DIAPH3: variants seen among roughly 807,000 people sequenced by gnomAD.
DIAPH3 encodes diaphanous related formin 3, also known as protein diaphanous homolog 3.
DIAPH3 carries 117 observed loss-of-function variants against 144.3 expected under a neutral mutation model. The ratio of observed to expected loss-of-function variants is 0.81; its 90% CI spans 0.70 to 0.95. The LOEUF (loss-of-function observed/expected upper bound fraction) is 0.95. DIAPH3 is among the 40% of genes least tolerant of loss of function. The pLI is 0.00. For missense variants in DIAPH3, 1,421 were observed against 1,412.7 expected (o/e 1.01, Z -0.09); for synonymous variants, 519 against 488.9 (o/e 1.06, Z -0.81).
At chr13:59,669,592 T>C (rs551412054) in intron 27 of DIAPH3, among the ~76,000 whole-genome samples, 1 of 152,290 alleles carries the variant, frequency 6.6e-6, no homozygotes. Context: ...TGCTTGGATG[T>C]GACTTTTGCT....
Position 59,811,011 on chromosome 13 carries a change from AG to A in DIAPH3, c.3028-89del, listed in dbSNP as rs1454897929. 3 of 1,232,032 alleles carry A rather than the reference AG, an allele frequency of 2.4e-6. No homozygotes were observed. In the African/African-American group the frequency reaches 4.5e-5, roughly 18 times the overall value. 76.3% of individuals were successfully genotyped at this position (1,232,032 alleles called of 1,614,324 possible). ...ATCTATTTGAAAATATGCTTAAGGT[AG>A]AAACATGATTATCTTTTAGATAATG... On this transcript the variant is annotated intron_variant, in intron 24 of 27. Coordinates refer to ENST00000400324, the MANE Select transcript of DIAPH3 (RefSeq NM_001042517.2).
At chr13:59,858,198 T>C (rs1490772400) in intron 22 of DIAPH3, among the ~76,000 whole-genome samples, 4 of 151,984 alleles carry the variant, frequency 2.6e-5, no homozygotes, top group Non-Finnish European at 5.9e-5. Flanking sequence ...AGAGAAGGGT[T>C]CACCATTAGG....
intron 4 of DIAPH3, among the ~76,000 whole-genome samples, chr13:60,071,478 A>G (rs978343248): frequency 6.6e-6 from 1 of 152,216 alleles, no homozygotes; most frequent in Non-Finnish European, 1.5e-5. Flanking sequence ...GGTTTCCTGC[A>G]CTAAACAGAA....
In DIAPH3 at chr13:59,911,628, T is replaced by C; in HGVS notation, c.2367+107A>G. On this transcript the variant is annotated intron_variant, in intron 20 of 27. Coordinates refer to ENST00000400324, the MANE Select transcript of DIAPH3 (RefSeq NM_001042517.2). ...AAAAAAAAGTAAGATGGATATTAAA[T>C]GTATGTGATTACTCACATGCTTTTT... 7.4e-6 allele frequency: 6 copies of C among 812,086 alleles called. No homozygotes were observed. The South Asian group carries it at 8.8e-5, about 12-fold the overall frequency. The allele number at this position is 812,086 out of a possible 1,614,324, so 50.3% of individuals were successfully genotyped here.
intron 17 of DIAPH3, among the ~76,000 whole-genome samples, chr13:59,950,522 G>C (rs554977082): frequency 2.6e-5 from 4 of 152,224 alleles, no homozygotes; most frequent in Admixed American, 1.3e-4. Context: ...AATTTTAGTA[G>C]AATTACAAAC....
intron 20 of DIAPH3, among the ~76,000 whole-genome samples, chr13:59,890,495 T>C (rs2045719583): frequency 1.3e-5 from 2 of 151,790 alleles, no homozygotes; most frequent in African/African-American, 4.8e-5. Context: ...ATATGTTTTG[T>C]TATATGTATT....
intron 4 of DIAPH3, among the ~76,000 whole-genome samples, chr13:60,056,520 C>A (rs891572545): frequency 2.0e-5 from 3 of 151,668 alleles, no homozygotes; most frequent in African/African-American, 7.3e-5. Flanking sequence ...TTTTTCCTAG[C>A]TCTGTCTATA....
chr13:59,848,099 T>A (rs1409202304), intron 22 of DIAPH3, among the ~76,000 whole-genome samples: 1 of 152,132 alleles, frequency 6.6e-6, no homozygotes, highest in Non-Finnish European at 1.5e-5. Context: ...CCCTCACTAC[T>A]CTTCCCGATC....
At position 59,984,274 on chromosome 13, in the gene DIAPH3, A is replaced by T. The variant is rs182299390; in HGVS notation, c.1362-387T>A. 2.6e-5 allele frequency among the ~76,000 whole-genome samples: 4 copies of T among 151,806 alleles called. No homozygotes were observed. In the Admixed American group the frequency reaches 2.6e-4, roughly 10 times the overall value. ...TTCACTTCATTAATACAACCAAAAT[A>T]AACAAAAATTTTCTCTAAAAAGTTT... On this transcript the variant is annotated intron_variant, in intron 12 of 27. Coordinates refer to ENST00000400324, the MANE Select transcript of DIAPH3 (RefSeq NM_001042517.2).
At chr13:59,920,019 T>C (rs1344011935) in intron 18 of DIAPH3, among the ~76,000 whole-genome samples, 1 of 151,808 alleles carries the variant, frequency 6.6e-6, no homozygotes, top group African/African-American at 2.4e-5. Context: ...GTTAGCCTCA[T>C]AACCACAAAG....
intron 22 of DIAPH3, among the ~76,000 whole-genome samples, chr13:59,855,960 A>G (rs535897831): frequency 6.6e-6 from 1 of 152,102 alleles, no homozygotes; most frequent in Non-Finnish European, 1.5e-5. Context: ...AACTTGGTAT[A>G]GTATGATTAA....
chr13:60,141,249 G>T (rs1379818439), intron 1 of DIAPH3, among the ~76,000 whole-genome samples: 2 of 151,952 alleles, frequency 1.3e-5, no homozygotes, highest in Non-Finnish European at 2.9e-5. Flanking sequence ...TGTAAATAAG[G>T]TCATGATGCC....
intron 27 of DIAPH3, among the ~76,000 whole-genome samples, chr13:59,687,214 C>T (rs1271911355): frequency 1.3e-5 from 2 of 152,068 alleles, no homozygotes; most frequent in East Asian, 3.9e-4. Flanking sequence ...CTGCTGATTA[C>T]AGTCAAAGCT....
At chr13:59,806,319 C>T (rs962064338) in intron 25 of DIAPH3, among the ~76,000 whole-genome samples, 16 of 151,930 alleles carry the variant, frequency 1.1e-4, no homozygotes, top group Non-Finnish European at 2.1e-4. Flanking sequence ...TAAAATATAA[C>T]ACCTGCGAAG....
intron 12 of DIAPH3, among the ~76,000 whole-genome samples, chr13:59,988,179 C>T (rs746542481): frequency 7.2e-5 from 11 of 151,858 alleles, no homozygotes; most frequent in Non-Finnish European, 1.3e-4. Flanking sequence ...GTTTAAGAAA[C>T]GGTTCCTGGG....
At chr13:60,074,062 G>A (rs1439946603) in intron 4 of DIAPH3, among the ~76,000 whole-genome samples, 1 of 152,134 alleles carries the variant, frequency 6.6e-6, no homozygotes, top group East Asian at 1.9e-4. Flanking sequence ...TGATAAAGGA[G>A]GCCACAGTAG....
At chr13:60,077,104 A>C (rs1405233984) in intron 4 of DIAPH3, among the ~76,000 whole-genome samples, 1 of 152,132 alleles carries the variant, frequency 6.6e-6, no homozygotes, top group Non-Finnish European at 1.5e-5. Context: ...TATATGAATA[A>C]ATGAATGATA....
intron 1 of DIAPH3, among the ~76,000 whole-genome samples, chr13:60,134,659 C>T (rs2059223861): frequency 6.6e-6 from 1 of 152,076 alleles, no homozygotes; most frequent in Non-Finnish European, 1.5e-5. Context: ...ACTCCAATCA[C>T]ATCTCATTTC....
intron 27 of DIAPH3, 123 bp from the exon 28 acceptor site, chr13:59,666,969 CAAA>C: frequency 1.7e-6 from 2 of 1,168,626 alleles, no homozygotes; most frequent in South Asian, 2.8e-5. Context: ...ATAGACTAAA[CAAA>C]GAAACAGTCA....
Sources: allele counts gnomAD v4.1 joint callset (sites outside exome capture counted in the v4.1 genomes callset), GRCh38; gene constraint gnomAD v4.1.1; transcripts MANE v1.5; gene names NCBI Gene and HGNC (gene_info 2026-07-23, HGNC 2026-07-21).